The following TRPC4 variants were observed in gnomAD, a reference collection of about 807,000 sequenced individuals.
TRPC4 encodes transient receptor potential cation channel subfamily C member 4, also known as short transient receptor potential channel 4.
A neutral mutation model predicts 99.4 loss-of-function variants in TRPC4; 49 were observed. That is an observed-to-expected ratio of 0.49 (90% CI 0.39 to 0.63). The LOEUF is 0.63. Among genes scored for constraint, TRPC4 ranks in the 20% least tolerant of loss-of-function variants. The pLI, the probability that TRPC4 is intolerant of heterozygous loss-of-function variation, is 0.00. For missense variants in TRPC4, 898 were observed against 1,152.9 expected, an observed-to-expected ratio of 0.78 and a Z score of 3.20; for synonymous variants, 454 against 425.9, an observed-to-expected ratio of 1.07 and a Z score of -0.81.
In TRPC4 at chr13:37,828,719, A is replaced by C. The variant is rs796258049; in HGVS notation, c.-28+40876T>G. ...GGCCTGGAGGCCATTATCCTAAGCA[A>C]ACTAACACAGGAACAGAAAACCAAA... On this transcript the variant is annotated intron_variant, in intron 1 of 10. Coordinates refer to ENST00000379705, the MANE Select transcript of TRPC4 (RefSeq NM_016179.4). Among the ~76,000 whole-genome samples, 143 of 152,364 alleles carry C rather than the reference A, an allele frequency of 9.4e-4. 1 individual carries two copies. Among genetic ancestry groups the C allele is most frequent in the African/African-American group, 3.3e-3 (136 of 41,586 alleles).
At chr13:37,643,399 C>T (rs1242841520) in intron 8 of TRPC4, among the ~76,000 whole-genome samples, 1 of 152,006 alleles carries the variant, frequency 6.6e-6, no homozygotes, top group African/African-American at 2.4e-5. Context: ...AAAGAAAACA[C>T]GGGAAGTGCT....
intron 2 of TRPC4, among the ~76,000 whole-genome samples, chr13:37,769,343 C>T (rs1032099870): frequency 1.3e-5 from 2 of 151,334 alleles, no homozygotes; most frequent in African/African-American, 4.8e-5. Flanking sequence ...AACAGGTGAA[C>T]ATCGATCCCA....
At chr13:37,778,488 G>A (rs1476734399) in intron 2 of TRPC4, among the ~76,000 whole-genome samples, 2 of 151,824 alleles carry the variant, frequency 1.3e-5, no homozygotes, top group Admixed American at 6.6e-5. Context: ...ATCAAGGTTG[G>A]TTGCTAGCTA....
At chr13:37,763,581 G>A (rs769393383) in intron 2 of TRPC4, among the ~76,000 whole-genome samples, 31 of 151,794 alleles carry the variant, frequency 2.0e-4, no homozygotes, top group Non-Finnish European at 2.4e-4. Flanking sequence ...AGTAAAACTA[G>A]CTGAAATGGT....
At chr13:37,655,431 A>C in intron 6 of TRPC4, 148 bp from the exon 7 acceptor site, 1 of 302,952 alleles carries the variant, frequency 3.3e-6, no homozygotes, top group Non-Finnish European at 5.6e-6. Context: ...CTTTTAGGAC[A>C]ATTATAAAAT....
At chr13:37,815,766 C>G (rs890339275) in intron 1 of TRPC4, among the ~76,000 whole-genome samples, 1 of 151,662 alleles carries the variant, frequency 6.6e-6, no homozygotes, top group Non-Finnish European at 1.5e-5. Flanking sequence ...ATCAAACAGG[C>G]CTGACAAACA....
chr13:37,662,523 G>A (rs2138684416), intron 6 of TRPC4, among the ~76,000 whole-genome samples: 1 of 152,286 alleles, frequency 6.6e-6, no homozygotes, highest in Admixed American at 6.5e-5. Flanking sequence ...TTGTTCATGT[G>A]ATATTATTGA....
intron 1 of TRPC4, among the ~76,000 whole-genome samples, chr13:37,822,036 G>T (rs983881262): frequency 2.0e-5 from 3 of 151,854 alleles, no homozygotes; most frequent in Non-Finnish European, 4.4e-5. Flanking sequence ...CTACAGAATG[G>T]GGAAAATATT....
intron 3 of TRPC4, among the ~76,000 whole-genome samples, chr13:37,741,209 A>G (rs564314714): frequency 6.6e-6 from 1 of 152,286 alleles, no homozygotes; most frequent in Non-Finnish European, 1.5e-5. Context: ...TCTTTGCTGT[A>G]AAAAATAGTT....
intron 1 of TRPC4, among the ~76,000 whole-genome samples, chr13:37,857,109 T>C (rs1286724922): frequency 1.3e-5 from 2 of 151,476 alleles, no homozygotes; most frequent in South Asian, 4.2e-4. Context: ...GTACAAAAAT[T>C]GGTAGCATTT....
chr13:37,787,168 T>C (rs1337347835), intron 1 of TRPC4, among the ~76,000 whole-genome samples: 1 of 152,040 alleles, frequency 6.6e-6, no homozygotes, highest in East Asian at 1.9e-4. Context: ...AGATCTCCAT[T>C]CTTTAGTATG....
intron 3 of TRPC4, among the ~76,000 whole-genome samples, chr13:37,717,635 T>A (rs1163545942): frequency 2.0e-5 from 3 of 151,974 alleles, no homozygotes. Flanking sequence ...GAAGACCAGG[T>A]GTAAATGCAG....
intron 7 of TRPC4, among the ~76,000 whole-genome samples, chr13:37,653,368 G>A (rs190032915): frequency 2.6e-5 from 4 of 151,700 alleles, no homozygotes; most frequent in Admixed American, 6.6e-5. Flanking sequence ...ATGGTTTACC[G>A]ATGGCTCTGA....
chr13:37,787,316 A>G (rs1322242639), intron 1 of TRPC4, among the ~76,000 whole-genome samples: 1 of 152,068 alleles, frequency 6.6e-6, no homozygotes, highest in East Asian at 1.9e-4. Context: ...AGATACTATC[A>G]CACATATGTA....
intron 1 of TRPC4, among the ~76,000 whole-genome samples, chr13:37,824,965 A>C (rs1958155899): frequency 6.6e-6 from 1 of 152,108 alleles, no homozygotes; most frequent in Non-Finnish European, 1.5e-5. Context: ...TTATTGGTCT[A>C]TTCAGAGATT....
chr13:37,716,221 A>C (rs1445708934), intron 3 of TRPC4, among the ~76,000 whole-genome samples: 1 of 152,154 alleles, frequency 6.6e-6, no homozygotes, highest in African/African-American at 2.4e-5. Context: ...AGATGGAATA[A>C]TGCTTTGGCA....
At chr13:37,790,567 G>A (rs2139384654) in intron 1 of TRPC4, among the ~76,000 whole-genome samples, 1 of 152,206 alleles carries the variant, frequency 6.6e-6, no homozygotes, top group East Asian at 1.9e-4. Context: ...GCCTACCTGG[G>A]CAAGCAGCTC....
intron 3 of TRPC4, among the ~76,000 whole-genome samples, chr13:37,730,416 G>T (rs1304077721): frequency 6.6e-6 from 1 of 151,836 alleles, no homozygotes; most frequent in African/African-American, 2.4e-5. Flanking sequence ...CTTCCCTCAT[G>T]AATTCCTATG....
intron 1 of TRPC4, among the ~76,000 whole-genome samples, chr13:37,794,158 A>T (rs1206297208): frequency 1.3e-5 from 2 of 152,104 alleles, no homozygotes; most frequent in African/African-American, 4.8e-5. Flanking sequence ...ACTAAAAAGG[A>T]GGTAACTACA....
Sources: gnomAD v4.1 joint callset for allele counts (sites outside exome capture counted in the v4.1 genomes callset) on GRCh38, gnomAD v4.1.1 for gene constraint, MANE v1.5 for transcripts, NCBI Gene and HGNC (gene_info 2026-07-23, HGNC 2026-07-21) for gene names.